Variants in STK32B observed in about 807,000 individuals in gnomAD.
STK32B encodes serine/threonine kinase 32B.
Under a neutral mutation model 52.6 loss-of-function variants are expected in STK32B, and 43 were observed. The observed-to-expected ratio is 0.82, with a 90% CI of 0.64 to 1.05. STK32B has a LOEUF of 1.05. Among genes scored for constraint, STK32B ranks in the 50% least tolerant of loss-of-function variants. The pLI is 0.00. For missense variants in STK32B, 621 were observed against 534.6 expected, an observed-to-expected ratio of 1.16 and a Z score of -1.59; for synonymous variants, 238 against 204.3, an observed-to-expected ratio of 1.17 and a Z score of -1.41.
chr4:5,186,033 C>G (rs1256125804), intron 3 of STK32B, among the ~76,000 whole-genome samples: 4 of 152,228 alleles, frequency 2.6e-5, no homozygotes, highest in Non-Finnish European at 1.5e-5. Context: ...ACTGCGAGAA[C>G]TCCTGCTCAT....
At chr4:5,237,470 C>T (rs1175794374) in intron 3 of STK32B, among the ~76,000 whole-genome samples, 1 of 152,144 alleles carries the variant, frequency 6.6e-6, no homozygotes, top group African/African-American at 2.4e-5. Flanking sequence ...AGAAAGAAAC[C>T]CAGCTTCTTC....
At chr4:5,253,946 G>A (rs1379294846) in intron 3 of STK32B, among the ~76,000 whole-genome samples, 7 of 151,928 alleles carry the variant, frequency 4.6e-5, no homozygotes, top group Admixed American at 1.3e-4. Context: ...GCCACCGTGC[G>A]TGGCTAATTT....
chr4:5,309,978 C>G (rs866747603), intron 3 of STK32B, among the ~76,000 whole-genome samples: 36 of 152,182 alleles, frequency 2.4e-4, no homozygotes, highest in South Asian at 1.2e-3. Context: ...CCAGCCTGGC[C>G]AGCATGGTGA....
intron 6 of STK32B, among the ~76,000 whole-genome samples, chr4:5,442,176 G>A (rs1250075425): frequency 4.0e-4 from 53 of 131,128 alleles, no homozygotes; most frequent in Non-Finnish European, 6.9e-4. Context: ...TTTCTGTCTC[G>A]TTGATCTGTC....
intron 3 of STK32B, among the ~76,000 whole-genome samples, chr4:5,215,644 G>A (rs924960159): frequency 1.3e-5 from 2 of 152,072 alleles, no homozygotes; most frequent in Admixed American, 1.3e-4. Flanking sequence ...GGACGAGATG[G>A]GGGAGTGTTA....
chr4:5,295,705 CTT>C (rs1729152186), intron 3 of STK32B, among the ~76,000 whole-genome samples: 1 of 151,920 alleles, frequency 6.6e-6, no homozygotes, highest in Non-Finnish European at 1.5e-5. Flanking sequence ...TTTTGTTAAT[CTT>C]TTCAAAAAAC....
intron 4 of STK32B, among the ~76,000 whole-genome samples, chr4:5,358,695 ACACATG>A (rs35582551): frequency 0.18 from 26,965 of 146,822 alleles, 2,718 homozygotes; most frequent in African/African-American, 0.3. Context: ...ACACATTCAC[ACACATG>A]CACACACACA....
At chr4:5,315,568 A>G (rs1417652210) in intron 3 of STK32B, among the ~76,000 whole-genome samples, 1 of 152,182 alleles carries the variant, frequency 6.6e-6, no homozygotes, top group East Asian at 1.9e-4. Flanking sequence ...AAGTAAAAAG[A>G]AATAAGGAGT....
At chr4:5,173,768 A>C (rs1719589500) in intron 3 of STK32B, among the ~76,000 whole-genome samples, 1 of 152,202 alleles carries the variant, frequency 6.6e-6, no homozygotes, top group Admixed American at 6.5e-5. Context: ...TGCTGAAAAG[A>C]ATGTATATTC....
At chr4:5,139,989 G>A (rs370571167) in intron 2 of STK32B, 29 bp downstream of exon 2, 8 of 1,613,444 alleles carry the variant, frequency 5.0e-6, no homozygotes, top group Non-Finnish European at 5.1e-6. Context: ...GGACCACTGG[G>A]CTTAAGTATG....
chr4:5,444,792 C>G (rs1401982640), intron 6 of STK32B, among the ~76,000 whole-genome samples: 1 of 152,200 alleles, frequency 6.6e-6, no homozygotes, highest in Admixed American at 6.5e-5. Context: ...TTATTATTAT[C>G]TACATTCTAC....
At chr4:5,328,817 C>T (rs1732040904) in intron 3 of STK32B, among the ~76,000 whole-genome samples, 1 of 152,094 alleles carries the variant, frequency 6.6e-6, no homozygotes, top group Admixed American at 6.5e-5. Context: ...CAAGGTAGTC[C>T]TGTGCTTCCC....
chr4:5,329,994 T>C (rs1413892319), intron 3 of STK32B, among the ~76,000 whole-genome samples: 1 of 152,138 alleles, frequency 6.6e-6, no homozygotes, highest in African/African-American at 2.4e-5. Context: ...CCCAGGATAC[T>C]GGAACATAGT....
chr4:5,395,578 G>T lies in STK32B; in HGVS notation c.435-2629G>T, dbSNP rs936144311. Among the ~76,000 whole-genome samples, 1 of 152,154 alleles carries T rather than the reference G, an allele frequency of 6.6e-6. No individual in the cohort carries two copies. Among genetic ancestry groups the T allele is most frequent in the African/African-American group, 2.4e-5 (1 of 41,432 alleles). On this transcript the variant is annotated intron_variant, in intron 4 of 11. Transcript: ENST00000282908. This position sits in a 1 kb window ranked among gnomAD's most constrained non-coding sequence, Gnocchi z 4.4. ...GCCATTGATTCATGTGCCTTCTGGT[G>T]TGCCTCTCTTCCTAGAATGCAAGCT...
intron 4 of STK32B, among the ~76,000 whole-genome samples, chr4:5,367,740 T>G (rs1176304216): frequency 6.6e-6 from 1 of 152,242 alleles, no homozygotes. Context: ...ATTTTTATTG[T>G]ATCCTTTCCC....
At chr4:5,311,109 G>T (rs1402747617) in intron 3 of STK32B, among the ~76,000 whole-genome samples, 1 of 152,130 alleles carries the variant, frequency 6.6e-6, no homozygotes, top group Non-Finnish European at 1.5e-5. Context: ...AAATACATCT[G>T]CCTAGGAGAA....
chr4:5,439,388 G>T (rs1714474263), intron 6 of STK32B, among the ~76,000 whole-genome samples: 1 of 151,830 alleles, frequency 6.6e-6, no homozygotes. Flanking sequence ...TTTTTTGGCT[G>T]CATAAATGTC....
At chr4:5,446,130 G>A (rs932313817) in intron 6 of STK32B, among the ~76,000 whole-genome samples, 2 of 152,182 alleles carry the variant, frequency 1.3e-5, no homozygotes, top group Non-Finnish European at 2.9e-5. Context: ...CCCCCTCAGG[G>A]CATCCCATCT....
At chr4:5,446,260 A>G (rs1715408473) in intron 6 of STK32B, among the ~76,000 whole-genome samples, 2 of 152,180 alleles carry the variant, frequency 1.3e-5, no homozygotes, top group Non-Finnish European at 2.9e-5. Flanking sequence ...TACAGGTTTT[A>G]CTGTCCAAGA....
Sources: gnomAD v4.1 joint callset for allele counts (sites outside exome capture counted in the v4.1 genomes callset) on GRCh38, gnomAD v4.1.1 for gene constraint, Gnocchi (gnomAD v3.1) non-coding constraint, MANE v1.5 for transcripts, NCBI Gene and HGNC (gene_info 2026-07-23, HGNC 2026-07-21) for gene names.